NEK1: variants seen among roughly 807,000 people sequenced by gnomAD.
NEK1 encodes the protein NIMA related kinase 1, also known as serine/threonine-protein kinase Nek1.
Under a neutral mutation model 182.1 loss-of-function variants are expected in NEK1, and 137 were observed. That is an observed-to-expected ratio of 0.75 (90% CI 0.65 to 0.87). The LOEUF (loss-of-function observed/expected upper bound fraction) is 0.87. Ranked by LOEUF, NEK1 falls within the 40% of genes least tolerant of loss-of-function variation. The pLI, the probability that NEK1 is intolerant of heterozygous loss-of-function variation, is 0.00. For missense variants in NEK1, 1,391 were observed against 1,494.4 expected (o/e 0.93, Z 1.14); for synonymous variants, 513 against 492.2 (o/e 1.04, Z -0.56).
At chr4:169,402,722 G>A (rs1731900620) in intron 32 of NEK1, among the ~76,000 whole-genome samples, 1 of 152,118 alleles carries the variant, frequency 6.6e-6, no homozygotes. Context: ...GAACCAAAAT[G>A]TTTAAATGAC....
At position 169,476,802 on chromosome 4, in the gene NEK1, T is replaced by C. The variant is rs1314363429; in HGVS notation, c.2434+322A>G. Among the ~76,000 whole-genome samples the C allele has an allele frequency of 3.9e-5, 6 of 152,128 alleles. 1 individual carries two copies. The highest frequency in any genetic ancestry group is 3.9e-4 in the Admixed American group (6 of 15,258). ...CTACCCTGGTTCTCATCAAGAATTATTCATAGTAACAGATTAATTTAACAT... is the reference window on the plus strand; with the variant it reads ...CTACCCTGGTTCTCATCAAGAATTACTCATAGTAACAGATTAATTTAACAT... On this transcript the variant is annotated intron_variant, in intron 26 of 35. Coordinates refer to ENST00000507142, the MANE Select transcript of NEK1 (RefSeq NM_001199397.3).
At chr4:169,461,587 C>T (rs557100471) in intron 27 of NEK1, among the ~76,000 whole-genome samples, 20 of 152,176 alleles carry the variant, frequency 1.3e-4, no homozygotes, top group African/African-American at 4.3e-4. Context: ...CATGTGATTT[C>T]GATGATGGTA....
At chr4:169,413,710 G>T (rs1467987992) in intron 31 of NEK1, among the ~76,000 whole-genome samples, 1 of 152,062 alleles carries the variant, frequency 6.6e-6, no homozygotes, top group Non-Finnish European at 1.5e-5. Context: ...TTCCTCATCC[G>T]TAAAATGGAG....
At chr4:169,401,507 G>A in intron 33 of NEK1, 145 bp downstream of exon 33, 1 of 510,436 alleles carries the variant, frequency 2.0e-6, no homozygotes, top group Non-Finnish European at 3.3e-6. Flanking sequence ...AAAAGAAAAA[G>A]AATGAAAAAA....
intron 27 of NEK1, among the ~76,000 whole-genome samples, chr4:169,444,916 C>A (rs1446281298): frequency 6.6e-6 from 1 of 152,094 alleles, no homozygotes; most frequent in African/African-American, 2.4e-5. Flanking sequence ...CAGACCACAA[C>A]TGAAGAAAAC....
chr4:169,506,189 G>A (rs148506195), intron 23 of NEK1, among the ~76,000 whole-genome samples: 10 of 151,820 alleles, frequency 6.6e-5, no homozygotes, highest in African/African-American at 2.4e-4. Flanking sequence ...GGGGAAATGC[G>A]GAAAGAATTC....
chr4:169,603,706 ATTTTTTT>A (rs398064265), intron 2 of NEK1, among the ~76,000 whole-genome samples: 2 of 129,708 alleles, frequency 1.5e-5, no homozygotes, highest in South Asian at 4.8e-4. Flanking sequence ...TTTATTGAAC[ATTTTTTT>A]TTTTTTTTTT....
rs200769726 is a variant in NEK1 at position 169,589,485 on chromosome 4, T to C, written c.426A>G (p.Val142=). The C allele has an allele frequency of 3.4e-5, 52 of 1,515,142 alleles. No homozygotes were observed. The highest frequency in any genetic ancestry group is 3.7e-5 in the Non-Finnish European group (42 of 1,120,680). 93.9% of individuals were successfully genotyped at this position (1,515,142 alleles called of 1,614,324 possible). Residue 142 remains valine, a synonymous_variant, in exon 7 of 36, where the codon GTA becomes GTG. Transcript: ENST00000507142. ...TAGCAATTCCAAAATCTCCAAGTTG[T>C]ACTGTTCCATCTTTAGTTAAAAATA... is the stretch of plus-strand genomic sequence containing the variant. The part of the protein sequence containing the change: ...QNIFLTKDGT[V]QLGDFGIARV...
At chr4:169,479,300 A>C in intron 24 of NEK1, 103 bp downstream of exon 24, 35 of 1,237,172 alleles carry the variant, frequency 2.8e-5, no homozygotes, top group Non-Finnish European at 3.6e-5. Flanking sequence ...TTTCCTTAGA[A>C]AAACCTGAAA....
At chr4:169,466,907 C>G (rs139920273) in intron 26 of NEK1, among the ~76,000 whole-genome samples, 78 of 151,970 alleles carry the variant, frequency 5.1e-4, no homozygotes, top group African/African-American at 1.9e-3. Flanking sequence ...AATGTAAGTA[C>G]AGGTGACCCT....
chr4:169,567,715 G>A (rs562121904), intron 12 of NEK1, among the ~76,000 whole-genome samples: 2 of 152,240 alleles, frequency 1.3e-5, no homozygotes, highest in African/African-American at 2.4e-5. Flanking sequence ...TTTAAAATAA[G>A]CTATATAATA....
chr4:169,537,368 C>A (rs749090351), intron 19 of NEK1, among the ~76,000 whole-genome samples: 2 of 152,156 alleles, frequency 1.3e-5, no homozygotes, highest in Non-Finnish European at 2.9e-5. Context: ...TGCTTTTGAG[C>A]AAATGCATAG....
chr4:169,525,796 A>G (rs747288153), intron 19 of NEK1, among the ~76,000 whole-genome samples: 1 of 152,234 alleles, frequency 6.6e-6, no homozygotes, highest in East Asian at 1.9e-4. Context: ...AAACTAAAGC[A>G]AACAGTAATA....
intron 26 of NEK1, among the ~76,000 whole-genome samples, chr4:169,464,455 C>A (rs554090184): frequency 2.0e-5 from 3 of 152,194 alleles, no homozygotes; most frequent in African/African-American, 7.2e-5. Context: ...GCTGGAGGGT[C>A]TTTTTGTCCT....
At chr4:169,539,822 A>G (rs1561373554) in intron 18 of NEK1, among the ~76,000 whole-genome samples, 3 of 152,058 alleles carry the variant, frequency 2.0e-5, no homozygotes, top group Admixed American at 2.0e-4. Context: ...GTGTATCCTG[A>G]TTGTATCAAC....
chr4:169,424,924 T>G, intron 30 of NEK1, 124 bp from the exon 31 acceptor site: 1 of 935,314 alleles, frequency 1.1e-6, no homozygotes, highest in Non-Finnish European at 1.6e-6. Context: ...GAAAATAAAA[T>G]CAAAATATGT....
chr4:169,486,404 AGTCTGCCTACTCTTGAT>A (rs1321073763), intron 23 of NEK1, among the ~76,000 whole-genome samples: 2 of 152,212 alleles, frequency 1.3e-5, no homozygotes, highest in African/African-American at 2.4e-5. Flanking sequence ...TGAAACCACC[AGTCTGCCTACTCTTGAT>A]GTCTGCCTAC....
At chr4:169,469,080 G>A (rs942095992) in intron 26 of NEK1, among the ~76,000 whole-genome samples, 3 of 152,114 alleles carry the variant, frequency 2.0e-5, no homozygotes, top group Middle Eastern at 3.4e-3. Flanking sequence ...TGGATTCACT[G>A]ATTTTTTTTT....
At chr4:169,512,768 T>A (rs1416847566) in intron 19 of NEK1, among the ~76,000 whole-genome samples, 1 of 152,118 alleles carries the variant, frequency 6.6e-6, no homozygotes, top group Non-Finnish European at 1.5e-5. Flanking sequence ...TTGAGGTAAT[T>A]ATTTTATATG....
Sources: allele counts gnomAD v4.1 joint callset (sites outside exome capture counted in the v4.1 genomes callset), GRCh38; gene constraint gnomAD v4.1.1; transcripts MANE v1.5; gene names NCBI Gene and HGNC (gene_info 2026-07-23, HGNC 2026-07-21).